The following UST variants were observed in gnomAD, a reference collection of about 807,000 sequenced individuals.
UST encodes uronyl 2-sulfotransferase.
Under a neutral mutation model 45.6 loss-of-function variants are expected in UST, and 21 were observed. The ratio of observed to expected loss-of-function variants is 0.46; its 90% CI spans 0.33 to 0.66. The LOEUF is 0.66. Ranked by LOEUF, UST falls within the 30% of genes least tolerant of loss-of-function variation. UST has a pLI of 0.02. For synonymous variants in UST, 215 were observed against 200.6 expected (o/e 1.07, Z -0.61); for missense variants, 463 against 512.4 (o/e 0.90, Z 0.93).
intron 2 of UST, among the ~76,000 whole-genome samples, chr6:148,915,273 A>G (rs1779565198): frequency 6.6e-6 from 1 of 152,364 alleles, no homozygotes; most frequent in African/African-American, 2.4e-5. Context: ...TAGCAAATCT[A>G]AAGATAGGCA....
At chr6:148,948,333 G>C (rs1203765708) in intron 3 of UST, among the ~76,000 whole-genome samples, 2 of 152,208 alleles carry the variant, frequency 1.3e-5, no homozygotes, top group African/African-American at 4.8e-5. Context: ...GAGTGACACA[G>C]AATTCACTTA....
intron 1 of UST, among the ~76,000 whole-genome samples, chr6:148,784,312 T>C (rs1256669102): frequency 2.6e-5 from 4 of 152,240 alleles, no homozygotes; most frequent in Non-Finnish European, 5.9e-5. Context: ...ATGAAGAGTT[T>C]AAACATAACA....
chr6:148,818,315 G>A (rs1049181682), intron 1 of UST, among the ~76,000 whole-genome samples: 4 of 152,180 alleles, frequency 2.6e-5, no homozygotes, highest in African/African-American at 7.2e-5. Context: ...GCCTGGCCTC[G>A]TGCTAGATTG....
chr6:148,925,793 G>A (rs7763394), intron 2 of UST, among the ~76,000 whole-genome samples: 5,893 of 152,268 alleles, frequency 0.039, 392 homozygotes, highest in African/African-American at 0.13. Flanking sequence ...ATTTCCAGGT[G>A]CAAGATGCTT....
intron 7 of UST, among the ~76,000 whole-genome samples, chr6:149,045,969 G>A (rs1446672019): frequency 6.6e-6 from 1 of 152,150 alleles, no homozygotes; most frequent in African/African-American, 2.4e-5. Flanking sequence ...CCATAGAGCT[G>A]GGAAACCATC....
intron 7 of UST, among the ~76,000 whole-genome samples, chr6:149,048,686 C>T (rs1044039539): frequency 4.6e-5 from 7 of 152,052 alleles, no homozygotes; most frequent in African/African-American, 1.4e-4. Context: ...GCATTTTTTA[C>T]AAATCCATAA....
At chr6:149,071,496 A>G (rs1031130989) in intron 7 of UST, among the ~76,000 whole-genome samples, 4 of 152,356 alleles carry the variant, frequency 2.6e-5, no homozygotes, top group African/African-American at 9.6e-5. Flanking sequence ...AAAGACAGGC[A>G]ATAAGAAGAA....
At chr6:148,809,294 C>T (rs1264769845) in intron 1 of UST, among the ~76,000 whole-genome samples, 4 of 151,622 alleles carry the variant, frequency 2.6e-5, no homozygotes, top group Admixed American at 6.6e-5. Context: ...CTAAACCACA[C>T]GGAATTTCTT....
At chr6:148,904,480 C>T (rs1779320471) in intron 2 of UST, among the ~76,000 whole-genome samples, 1 of 151,942 alleles carries the variant, frequency 6.6e-6, no homozygotes, top group South Asian at 2.1e-4. Flanking sequence ...AAATTATTTC[C>T]AATATGAATA....
chr6:148,765,965 G>A (rs752728259), intron 1 of UST, among the ~76,000 whole-genome samples: 3 of 152,110 alleles, frequency 2.0e-5, no homozygotes, highest in Non-Finnish European at 2.9e-5. Context: ...TCTCCATTCA[G>A]TATGATGTTG....
At chr6:148,998,496 A>G (rs146010730) in intron 5 of UST, among the ~76,000 whole-genome samples, 13 of 152,320 alleles carry the variant, frequency 8.5e-5, no homozygotes, top group African/African-American at 2.9e-4. Flanking sequence ...GCAGAGCACA[A>G]AAAAGTTAAA....
chr6:148,866,558 A>G (rs72986608), intron 1 of UST, among the ~76,000 whole-genome samples: 2,048 of 152,310 alleles, frequency 0.013, 30 homozygotes, highest in Admixed American at 0.025. Flanking sequence ...CTCATGATAG[A>G]CATAATAAAT....
chr6:148,861,652 T>G (rs1357995167), intron 1 of UST, among the ~76,000 whole-genome samples: 1 of 152,236 alleles, frequency 6.6e-6, no homozygotes, highest in African/African-American at 2.4e-5. Flanking sequence ...CAAATTTCCC[T>G]CTACACACTG....
At chr6:148,999,222 G>A (rs1037238425) in intron 5 of UST, among the ~76,000 whole-genome samples, 4 of 152,086 alleles carry the variant, frequency 2.6e-5, no homozygotes, top group Admixed American at 1.3e-4. Context: ...TTATGATGTT[G>A]TTTATTGAAA....
At chr6:148,761,049 C>T (rs567116275) in intron 1 of UST, among the ~76,000 whole-genome samples, 2 of 152,302 alleles carry the variant, frequency 1.3e-5, no homozygotes, top group East Asian at 1.9e-4. Flanking sequence ...GGATCCTCTT[C>T]GAAGCTGTGG....
chr6:149,054,818 G>C (rs1776538473), intron 7 of UST, among the ~76,000 whole-genome samples: 1 of 152,084 alleles, frequency 6.6e-6, no homozygotes, highest in South Asian at 2.1e-4. Context: ...ATTTGTTCTG[G>C]GTGTTTGTTT....
At chr6:149,051,607 G>A (rs1776488796) in intron 7 of UST, among the ~76,000 whole-genome samples, 1 of 152,140 alleles carries the variant, frequency 6.6e-6, no homozygotes, top group South Asian at 2.1e-4. Flanking sequence ...AAACTACATA[G>A]CCCAGGAAAT....
chr6:149,055,943 C>T (rs1776556086), intron 7 of UST, among the ~76,000 whole-genome samples: 1 of 151,708 alleles, frequency 6.6e-6, no homozygotes. Flanking sequence ...TGACCTAAAA[C>T]CTAATGCATG....
chr6:149,017,182 C>G lies in UST; in HGVS notation c.682-1957C>G, dbSNP rs1470278314. On this transcript the variant is annotated intron_variant, in intron 5 of 7. Transcript: ENST00000367463. ...CATGAGGTCAGGAGATGGAGACTAT[C>G]GTGGCTAACACGGTGAAACCCCATC... Among the ~76,000 whole-genome samples the G allele has an allele frequency of 2.6e-5, 4 of 152,236 alleles. No individual in the cohort carries two copies. The East Asian group carries it at 7.7e-4, about 29-fold the overall frequency.
Sources: allele counts gnomAD v4.1 joint callset (sites outside exome capture counted in the v4.1 genomes callset), GRCh38; gene constraint gnomAD v4.1.1; transcripts MANE v1.5; gene names NCBI Gene and HGNC (gene_info 2026-07-23, HGNC 2026-07-21).